The following FMN2 variants were observed in gnomAD, a reference collection of about 807,000 sequenced individuals.
FMN2 encodes formin 2, also known as formin-2.
A neutral mutation model predicts 142.3 loss-of-function variants in FMN2; 51 were observed. The observed-to-expected ratio is 0.36, with a 90% CI of 0.29 to 0.45. The LOEUF is 0.45. FMN2 is among the 20% of genes least tolerant of loss of function. The pLI, the probability that FMN2 is intolerant of heterozygous loss-of-function variation, is 1.00. For missense variants in FMN2, 1,936 were observed against 2,122.8 expected (o/e 0.91, Z 1.73); for synonymous variants, 882 against 869.8 (o/e 1.01, Z -0.25).
Position 240,093,568 on chromosome 1 carries a change from G to T in FMN2, c.1459G>T (p.Glu487Ter). Residue 487 changes from glutamate to a stop codon, truncating the protein, a stop_gained, in exon 1 of 18, where the codon GAG becomes TAG. Transcript: ENST00000319653. LOFTEE classifies it high-confidence loss of function. ...CCTGAGCCGCTCGGCTGACTGGACG[G>T]AGGAGCTAGGCGCCCGCACGCCCCG... ...AGLSRSADWTEELGARTPRVG... is the reference protein window; with the variant it reads ...AGLSRSADWT 6.8e-7 allele frequency: 1 copy of T among 1,475,738 alleles called. No individual in the cohort carries two copies. The allele number at this position is 1,475,738 out of a possible 1,614,324, so 91.4% of individuals were successfully genotyped here. A position where few individuals can be genotyped will look rare whatever the true frequency, so the allele number is the denominator to read the frequency against.
At chr1:240,212,340 G>C (rs1019370409) in intron 6 of FMN2, among the ~76,000 whole-genome samples, 1 of 152,208 alleles carries the variant, frequency 6.6e-6, no homozygotes, top group Non-Finnish European at 1.5e-5. Context: ...GGCTGGGTGA[G>C]CAGGCTCACC....
chr1:240,434,081 A>G (rs1191811521), intron 15 of FMN2, among the ~76,000 whole-genome samples: 1 of 152,060 alleles, frequency 6.6e-6, no homozygotes, highest in Non-Finnish European at 1.5e-5. Context: ...TCAAAAAAGG[A>G]CCATTTAAGA....
At chr1:240,159,879 A>G (rs1474691001) in intron 2 of FMN2, among the ~76,000 whole-genome samples, 1 of 145,102 alleles carries the variant, frequency 6.9e-6, no homozygotes, top group African/African-American at 2.5e-5. Flanking sequence ...ATTTGCATAC[A>G]TGGAGAGATA....
intron 8 of FMN2, among the ~76,000 whole-genome samples, chr1:240,319,482 A>G (rs1173122862): frequency 6.6e-6 from 1 of 152,220 alleles, no homozygotes; most frequent in East Asian, 1.9e-4. Flanking sequence ...CTCTTAAACA[A>G]AACTAGTATT....
rs1048479790 is a variant in FMN2 at position 240,473,911 on chromosome 1, T to C, written c.5143-217T>C. Among the ~76,000 whole-genome samples, 3 of 152,034 alleles carry C rather than the reference T, an allele frequency of 2.0e-5. No homozygotes were observed. Among genetic ancestry groups the C allele is most frequent in the Admixed American group, 6.6e-5 (1 of 15,226 alleles). ...AGAAGTTAAATTTTTAAAACTTTTT[T>C]TTTTCTCAAAAGTATTTGGCGATTT... is the stretch of plus-strand genomic sequence containing the variant. On this transcript the variant is annotated intron_variant, in intron 17 of 17. Transcript: ENST00000319653. This position sits in a 1 kb window ranked among gnomAD's most constrained non-coding sequence, Gnocchi z 4.3.
At position 240,447,661 on chromosome 1, in the gene FMN2, G is replaced by A. The variant is rs116261057; in HGVS notation, c.5060+9451G>A. Reference sequence around the variant, plus strand: ...AATTACTTTTGCACCAACCTAATACGTGGGGCCTGAACGTAGATTCGTCTT... The same window carrying A: ...AATTACTTTTGCACCAACCTAATACATGGGGCCTGAACGTAGATTCGTCTT... On this transcript the variant is annotated intron_variant, in intron 16 of 17. Transcript: ENST00000319653. Among the ~76,000 whole-genome samples the A allele has an allele frequency of 3.9e-3, 595 of 152,258 alleles. 3 individuals carry two copies. Among genetic ancestry groups the A allele is most frequent in the African/African-American group, 0.014 (575 of 41,552 alleles).
intron 2 of FMN2, among the ~76,000 whole-genome samples, chr1:240,138,172 C>G (rs1293931784): frequency 6.6e-6 from 1 of 151,466 alleles, no homozygotes; most frequent in Non-Finnish European, 1.5e-5. Context: ...GAACCCTATT[C>G]TCAGGAGCAG....
intron 2 of FMN2, among the ~76,000 whole-genome samples, chr1:240,134,347 G>A (rs1013742223): frequency 2.0e-5 from 3 of 152,100 alleles, no homozygotes; most frequent in Non-Finnish European, 4.4e-5. Flanking sequence ...ACTGGGTGTG[G>A]TGGCTCACAC....
In FMN2 at chr1:240,237,407, TAA is replaced by T. The variant is rs1196643549; in HGVS notation, c.4066-20537_4066-20536del. 1.4e-4 allele frequency among the ~76,000 whole-genome samples: 22 copies of T among 152,332 alleles called. No individual in the cohort carries two copies. In the East Asian group the frequency reaches 4.2e-3, roughly 29 times the overall value. ...CCCCTTTGCACAGACCATGTGATTT[TAA>T]GTGTCAAGGTCTTGTCCGTTATCAG... On this transcript the variant is annotated intron_variant, in intron 6 of 17. Coordinates refer to ENST00000319653, the MANE Select transcript of FMN2 (RefSeq NM_020066.5).
chr1:240,166,755 A>C (rs777200168), intron 2 of FMN2, among the ~76,000 whole-genome samples: 1 of 152,214 alleles, frequency 6.6e-6, no homozygotes, highest in Non-Finnish European at 1.5e-5. Flanking sequence ...ATTCTAGTAC[A>C]TAAATATTTT....
intron 8 of FMN2, among the ~76,000 whole-genome samples, chr1:240,319,913 C>G (rs540027838): frequency 6.6e-6 from 1 of 152,210 alleles, no homozygotes; most frequent in African/African-American, 2.4e-5. Flanking sequence ...CTGCCTATAG[C>G]GTTAATGATT....
intron 2 of FMN2, chr1:240,144,626 C>A: frequency 7.8e-7 from 1 of 1,288,504 alleles, no homozygotes; most frequent in Admixed American, 1.7e-5. Flanking sequence ...ACCCAGGGCA[C>A]AACGCAGTAG....
At chr1:240,327,332 T>C (rs1467977682) in intron 8 of FMN2, among the ~76,000 whole-genome samples, 1 of 152,186 alleles carries the variant, frequency 6.6e-6, no homozygotes, top group African/African-American at 2.4e-5. Context: ...TTGAGACACG[T>C]CTTTGTTAGT....
intron 15 of FMN2, among the ~76,000 whole-genome samples, chr1:240,403,775 T>A (rs1281773561): frequency 2.0e-5 from 3 of 152,344 alleles, no homozygotes; most frequent in Middle Eastern, 3.4e-3. Flanking sequence ...GACATTATTA[T>A]GTGATAAAGA....
chr1:240,270,018 T>C (rs1301336361), intron 7 of FMN2, among the ~76,000 whole-genome samples: 1 of 152,056 alleles, frequency 6.6e-6, no homozygotes, highest in Non-Finnish European at 1.5e-5. Context: ...GAATGCCTTT[T>C]ATTTATTTTT....
Position 240,145,530 on chromosome 1 carries a change from A to ATTTTTTTTTTTTTTTTTTTTTTTT in FMN2, c.1782+22191_1782+22214dup, listed in dbSNP as rs71168902. The ATTTTTTTTTTTTTTTTTTTTTTTT allele has an allele frequency of 2.4e-5, 2 of 84,346 alleles. 1 individual carries two copies. 5.2% of individuals were successfully genotyped at this position (84,346 alleles called of 1,614,324 possible). A position where few individuals can be genotyped will look rare whatever the true frequency, so the allele number is the denominator to read the frequency against. ...AGGCAATTTTTCTTTTTCTTTTTCT[A>ATTTTTTTTTTTTTTTTTTTTTTTT]TTTTTTTTTTTTTTTTTTTTTTTTT... On this transcript the variant is annotated intron_variant, in intron 2 of 17. Transcript: ENST00000319653.
intron 6 of FMN2, among the ~76,000 whole-genome samples, chr1:240,253,120 T>A (rs1162753819): frequency 6.6e-6 from 1 of 151,438 alleles, no homozygotes; most frequent in East Asian, 2.0e-4. Context: ...ACCCAGCTAA[T>A]TTTTGTATTT....
At chr1:240,123,714 A>G (rs1013581528) in intron 2 of FMN2, among the ~76,000 whole-genome samples, 3 of 152,206 alleles carry the variant, frequency 2.0e-5, no homozygotes, top group African/African-American at 7.2e-5. Context: ...TGTACCGTTT[A>G]GTGGCATCAA....
chr1:240,145,318 CGCCGCTGGGGGCT>C (rs1663397639), intron 2 of FMN2: 2 of 1,179,194 alleles, frequency 1.7e-6, no homozygotes, highest in African/African-American at 1.5e-5. Flanking sequence ...CGCTGAGGGC[CGCCGCTGGGGGCT>C]GCTGGGACTG....
Sources: gnomAD v4.1 joint callset for allele counts (sites outside exome capture counted in the v4.1 genomes callset) on GRCh38, gnomAD v4.1.1 for gene constraint, Gnocchi (gnomAD v3.1) non-coding constraint, MANE v1.5 for transcripts, NCBI Gene and HGNC (gene_info 2026-07-23, HGNC 2026-07-21) for gene names.